SLC24A4: variants seen among roughly 807,000 people sequenced by gnomAD.
SLC24A4 encodes the protein sodium/potassium/calcium exchanger 4.
Under a neutral mutation model 79.0 loss-of-function variants are expected in SLC24A4, and 53 were observed. That is an observed-to-expected ratio of 0.67 (90% CI 0.54 to 0.84). SLC24A4 has a LOEUF of 0.84. Ranked by LOEUF, SLC24A4 falls within the 40% of genes least tolerant of loss-of-function variation. SLC24A4 has a pLI of 0.00. For missense variants in SLC24A4, 731 were observed against 822.0 expected, an observed-to-expected ratio of 0.89 and a Z score of 1.35; for synonymous variants, 323 against 323.8, an observed-to-expected ratio of 1.00 and a Z score of 0.03.
Position 92,382,961 on chromosome 14 carries a change from C to T in SLC24A4, c.242-50951C>T, listed in dbSNP as rs192611306. On this transcript the variant is annotated intron_variant, in intron 2 of 16. Transcript: ENST00000532405. ...CCTGCACCACGGGACCTGCCTCTTC[C>T]CTCTCCAGCAGTGAGGCTGTTGGCT... 4.6e-4 allele frequency among the ~76,000 whole-genome samples: 70 copies of T among 152,296 alleles called. No individual in the cohort carries two copies. In the East Asian group the frequency reaches 0.013, roughly 29 times the overall value.
chr14:92,402,124 C>A (rs12590749), intron 2 of SLC24A4, among the ~76,000 whole-genome samples: 57,910 of 151,934 alleles, frequency 0.38, 11,709 homozygotes, highest in East Asian at 0.73. Context: ...TTTCAAGTAC[C>A]AGGGCAAAGC....
At chr14:92,385,072 C>A (rs78323442) in intron 2 of SLC24A4, among the ~76,000 whole-genome samples, 1 of 152,154 alleles carries the variant, frequency 6.6e-6, no homozygotes, top group Non-Finnish European at 1.5e-5. Flanking sequence ...AAACAGCAAG[C>A]GCTTAACAAG....
intron 5 of SLC24A4, 141 bp from the exon 6 acceptor site, chr14:92,442,572 T>C: frequency 1.6e-6 from 1 of 623,992 alleles, no homozygotes; most frequent in Non-Finnish European, 2.9e-6. Context: ...GTTCTGCCAC[T>C]GCTTCTGCCA....
intron 13 of SLC24A4, chr14:92,484,094 G>C: frequency 1.0e-6 from 1 of 985,322 alleles, no homozygotes; most frequent in Non-Finnish European, 1.2e-6. Context: ...AAGGCCATTG[G>C]GAGAATGAAA....
At chr14:92,373,043 C>T (rs1266532443) in intron 2 of SLC24A4, among the ~76,000 whole-genome samples, 1 of 148,322 alleles carries the variant, frequency 6.7e-6, no homozygotes, top group Non-Finnish European at 1.5e-5. Flanking sequence ...TGCTCTGTTG[C>T]CCAGGCTAGA....
chr14:92,400,185 A>C (rs987221788), intron 2 of SLC24A4, among the ~76,000 whole-genome samples: 3 of 152,214 alleles, frequency 2.0e-5, no homozygotes, highest in African/African-American at 7.2e-5. Context: ...TCACGCCTGT[A>C]ATCCCAGCAC....
intron 2 of SLC24A4, among the ~76,000 whole-genome samples, chr14:92,343,700 C>CCTTCCTTCCTTT (rs1566700413): frequency 1.5e-5 from 2 of 130,800 alleles, no homozygotes; most frequent in African/African-American, 3.5e-5. Context: ...TTCCTTCCTT[C>CCTTCCTTCCTTT]CTTTCTTTCT....
intron 2 of SLC24A4, among the ~76,000 whole-genome samples, chr14:92,410,967 G>A (rs191560563): frequency 1.2e-4 from 19 of 152,288 alleles, no homozygotes; most frequent in South Asian, 6.2e-4. Context: ...ATATACCCGT[G>A]GGAAGTGTGT....
Position 92,387,155 on chromosome 14 carries a change from G to C in SLC24A4, c.242-46757G>C, listed in dbSNP as rs557723155. Among the ~76,000 whole-genome samples the C allele has an allele frequency of 9.2e-5, 14 of 151,594 alleles. No homozygotes were observed. In the East Asian group the frequency reaches 2.3e-3, roughly 25 times the overall value. On this transcript the variant is annotated intron_variant, in intron 2 of 16. Coordinates refer to ENST00000532405, the MANE Select transcript of SLC24A4 (RefSeq NM_153646.4). ...GGGCAACTGGGCAGGGGGTACAGAG[G>C]GGGTGGCCTGACCCTGGAGAGAAGT...
At chr14:92,432,599 C>A (rs1200858790) in intron 2 of SLC24A4, among the ~76,000 whole-genome samples, 1 of 152,124 alleles carries the variant, frequency 6.6e-6, no homozygotes, top group Non-Finnish European at 1.5e-5. Flanking sequence ...CCAATCCATG[C>A]CCTTGAACCG....
intron 2 of SLC24A4, among the ~76,000 whole-genome samples, chr14:92,400,396 G>A (rs1419642525): frequency 7.0e-6 from 1 of 141,998 alleles, no homozygotes; most frequent in Non-Finnish European, 1.5e-5. Context: ...CCGAGATCGT[G>A]CCACTGCACT....
At chr14:92,393,579 T>C (rs1338350976) in intron 2 of SLC24A4, among the ~76,000 whole-genome samples, 1 of 141,250 alleles carries the variant, frequency 7.1e-6, no homozygotes, top group African/African-American at 2.6e-5. Flanking sequence ...GGAGTCTCGC[T>C]CTGTCGCCCA....
At chr14:92,405,474 C>T (rs1890323833) in intron 2 of SLC24A4, among the ~76,000 whole-genome samples, 1 of 152,144 alleles carries the variant, frequency 6.6e-6, no homozygotes, top group African/African-American at 2.4e-5. Flanking sequence ...AACTAGTTTG[C>T]AGGGTGTATT....
At chr14:92,465,015 G>A (rs558049754) in intron 12 of SLC24A4, among the ~76,000 whole-genome samples, 1 of 152,186 alleles carries the variant, frequency 6.6e-6, no homozygotes, top group East Asian at 1.9e-4. Flanking sequence ...AGTACTTAGA[G>A]TGTCCATGGC....
At chr14:92,409,797 C>T (rs1239100120) in intron 2 of SLC24A4, among the ~76,000 whole-genome samples, 3 of 152,120 alleles carry the variant, frequency 2.0e-5, no homozygotes, top group African/African-American at 7.2e-5. Context: ...AAATGTCCAT[C>T]AGTGACAGTC....
At chr14:92,344,727 G>T (rs1886427679) in intron 2 of SLC24A4, among the ~76,000 whole-genome samples, 1 of 152,136 alleles carries the variant, frequency 6.6e-6, no homozygotes, top group African/African-American at 2.4e-5. Context: ...ACTGGGTTTT[G>T]ATCAGATTTG....
intron 16 of SLC24A4, among the ~76,000 whole-genome samples, chr14:92,492,445 C>A (rs1002212892): frequency 6.6e-6 from 1 of 152,188 alleles, no homozygotes; most frequent in African/African-American, 2.4e-5. Flanking sequence ...TTGCTGAGTA[C>A]ATAAGAAGTC....
At chr14:92,439,549 C>T (rs1595282272) in intron 4 of SLC24A4, 140 bp downstream of exon 4, 1 of 762,800 alleles carries the variant, frequency 1.3e-6, no homozygotes. Context: ...GTGTCTGCCC[C>T]ATGGCGAAGC....
chr14:92,403,538 G>A (rs1890220930), intron 2 of SLC24A4, among the ~76,000 whole-genome samples: 1 of 151,556 alleles, frequency 6.6e-6, no homozygotes, highest in South Asian at 2.1e-4. Context: ...AACCCAGGAG[G>A]TGGAGGTTGC....
Sources: gnomAD v4.1 joint callset for allele counts (sites outside exome capture counted in the v4.1 genomes callset) on GRCh38, gnomAD v4.1.1 for gene constraint, MANE v1.5 for transcripts, NCBI Gene and HGNC (gene_info 2026-07-23, HGNC 2026-07-21) for gene names.